Variants in DCC observed in about 807,000 individuals in gnomAD.
DCC encodes the protein netrin receptor DCC.
DCC carries 58 observed loss-of-function variants against 172.5 expected under a neutral mutation model. The observed-to-expected ratio is 0.34, with a 90% CI of 0.27 to 0.42. DCC has a LOEUF of 0.42. Ranked by LOEUF, DCC falls within the 10% of genes least tolerant of loss-of-function variation. The pLI is 1.00. For missense variants in DCC, 1,740 were observed against 1,791.0 expected (o/e 0.97, Z 0.51); for synonymous variants, 709 against 644.5 (o/e 1.10, Z -1.52).
chr18:53,451,758 T>C (rs2045417850), intron 23 of DCC, among the ~76,000 whole-genome samples: 1 of 152,184 alleles, frequency 6.6e-6, no homozygotes, highest in Non-Finnish European at 1.5e-5. Context: ...TCTGTCTGTC[T>C]TTCTTTAAGT....
At chr18:53,394,390 G>A (rs1176422515) in intron 17 of DCC, among the ~76,000 whole-genome samples, 3 of 152,194 alleles carry the variant, frequency 2.0e-5, no homozygotes, top group Non-Finnish European at 4.4e-5. Context: ...TTCCCCACAA[G>A]AGTGTCCTTC....
At chr18:53,412,781 G>A (rs1427828474) in intron 20 of DCC, among the ~76,000 whole-genome samples, 1 of 152,058 alleles carries the variant, frequency 6.6e-6, no homozygotes, top group Non-Finnish European at 1.5e-5. Context: ...TGGTCTTTTT[G>A]ATATTAACAA....
chr18:53,393,900 C>CCTCTCCCTCTCTCCCTCT (rs1908738633), intron 17 of DCC, among the ~76,000 whole-genome samples: 1 of 119,736 alleles, frequency 8.4e-6, no homozygotes, highest in African/African-American at 2.9e-5. Flanking sequence ...TGTACTATTC[C>CCTCTCCCTCTCTCCCTCT]CTCTCTCTCT....
chr18:52,540,597 CT>C (rs71175505), intron 1 of DCC, among the ~76,000 whole-genome samples: 35 of 67,472 alleles, frequency 5.2e-4, no homozygotes, highest in African/African-American at 2.0e-3. Flanking sequence ...ATTCAACTGC[CT>C]TTTTTTTTTT....
At chr18:52,844,692 TAA>T (rs141335954) in intron 2 of DCC, among the ~76,000 whole-genome samples, 4,068 of 152,268 alleles carry the variant, frequency 0.027, 162 homozygotes, top group African/African-American at 0.09. Flanking sequence ...AGTACAAAGA[TAA>T]AGAGATCTAT....
intron 18 of DCC, among the ~76,000 whole-genome samples, chr18:53,400,689 A>G (rs1363015801): frequency 6.6e-6 from 1 of 152,162 alleles, no homozygotes; most frequent in Non-Finnish European, 1.5e-5. Flanking sequence ...ATTCACCAAT[A>G]TTCACATGAC....
At chr18:53,346,792 T>C (rs1369787496) in intron 15 of DCC, among the ~76,000 whole-genome samples, 1 of 152,192 alleles carries the variant, frequency 6.6e-6, no homozygotes, top group Non-Finnish European at 1.5e-5. Context: ...GCTTTTTCAC[T>C]TGAGAATGGA....
At chr18:52,718,267 T>G (rs1196517566) in intron 1 of DCC, among the ~76,000 whole-genome samples, 1 of 152,222 alleles carries the variant, frequency 6.6e-6, no homozygotes, top group Non-Finnish European at 1.5e-5. Flanking sequence ...ACTGGGGTAT[T>G]GGTCACAAGT....
intron 5 of DCC, among the ~76,000 whole-genome samples, chr18:52,991,507 A>T (rs1248781927): frequency 6.6e-6 from 1 of 152,086 alleles, no homozygotes; most frequent in African/African-American, 2.4e-5. Context: ...TATTCTGCCA[A>T]CCCCAATGTC....
At chr18:52,595,443 T>G (rs1373415684) in intron 1 of DCC, among the ~76,000 whole-genome samples, 1 of 152,196 alleles carries the variant, frequency 6.6e-6, no homozygotes, top group Non-Finnish European at 1.5e-5. Flanking sequence ...ACCAAATTAT[T>G]TTCTCTATTC....
At chr18:53,009,595 G>T (rs2041697499) in intron 5 of DCC, among the ~76,000 whole-genome samples, 1 of 151,858 alleles carries the variant, frequency 6.6e-6, no homozygotes, top group African/African-American at 2.4e-5. Context: ...TTGGAGTTTT[G>T]TACCAATGCA....
At chr18:52,540,953 A>T (rs1432375855) in intron 1 of DCC, among the ~76,000 whole-genome samples, 4 of 152,072 alleles carry the variant, frequency 2.6e-5, no homozygotes, top group Non-Finnish European at 5.9e-5. Flanking sequence ...GGCCTCAAAC[A>T]TGAGGTTGTA....
At chr18:53,176,750 C>T (rs1012742180) in intron 8 of DCC, among the ~76,000 whole-genome samples, 3 of 151,470 alleles carry the variant, frequency 2.0e-5, no homozygotes, top group African/African-American at 7.3e-5. Flanking sequence ...ACTAGTTCAA[C>T]CATTGTGGAA....
At chr18:52,827,955 A>G (rs1695256169) in intron 2 of DCC, among the ~76,000 whole-genome samples, 1 of 151,892 alleles carries the variant, frequency 6.6e-6, no homozygotes, top group Non-Finnish European at 1.5e-5. Context: ...GTTGAAATTT[A>G]TAGTAGTAGT....
intron 3 of DCC, among the ~76,000 whole-genome samples, chr18:52,912,107 T>C (rs1199428090): frequency 6.6e-6 from 1 of 152,108 alleles, no homozygotes; most frequent in Non-Finnish European, 1.5e-5. Flanking sequence ...GTGGTTAATA[T>C]CATGGGGTCT....
intron 1 of DCC, among the ~76,000 whole-genome samples, chr18:52,374,840 C>T (rs1004454169): frequency 3.9e-5 from 6 of 152,144 alleles, no homozygotes; most frequent in African/African-American, 1.4e-4. Flanking sequence ...GTTCATTTCA[C>T]ACAGCAGATG....
rs568277726 is a variant in DCC, at chr18:52,442,165, A to G, written c.91+101287A>G. Among the ~76,000 whole-genome samples, 4 of 152,330 alleles carry G rather than the reference A, an allele frequency of 2.6e-5. No homozygotes were observed. In the South Asian group the frequency reaches 8.3e-4, roughly 32 times the overall value. On this transcript the variant is annotated intron_variant, in intron 1 of 28. Coordinates refer to ENST00000442544, the MANE Select transcript of DCC (RefSeq NM_005215.4). ...AAGACTAAACTCTATTCTAACATGAACATCTCAGAGTGACATTCATAATCT... is the reference window on the plus strand; with the variant it reads ...AAGACTAAACTCTATTCTAACATGAGCATCTCAGAGTGACATTCATAATCT...
At chr18:53,316,991 G>A (rs2057350952) in intron 13 of DCC, among the ~76,000 whole-genome samples, 2 of 152,232 alleles carry the variant, frequency 1.3e-5, no homozygotes, top group Non-Finnish European at 1.5e-5. Flanking sequence ...ATTTTGAATA[G>A]GGATGGTGAG....
In DCC at chr18:52,505,925, G is replaced by A. The variant is rs552471680; in HGVS notation, c.91+165047G>A. 1.4e-4 allele frequency among the ~76,000 whole-genome samples: 22 copies of A among 152,150 alleles called. No individual in the cohort carries two copies. In the South Asian group the frequency reaches 1.7e-3, roughly 11 times the overall value. On this transcript the variant is annotated intron_variant, in intron 1 of 28. Transcript: ENST00000442544. The stretch of plus-strand genomic sequence containing the variant: ...CATATCAGTTGTGCTAAAAAAGGTC[G>A]TTTATAAAAATCTGCAAATTTTATG...
Sources: gnomAD v4.1 joint callset for allele counts (sites outside exome capture counted in the v4.1 genomes callset) on GRCh38, gnomAD v4.1.1 for gene constraint, MANE v1.5 for transcripts, NCBI Gene and HGNC (gene_info 2026-07-23, HGNC 2026-07-21) for gene names.